Variants in LACC1 observed in about 807,000 individuals in gnomAD.
LACC1 encodes purine nucleoside phosphorylase LACC1.
LACC1 carries 25 observed loss-of-function variants against 34.8 expected under a neutral mutation model. The ratio of observed to expected loss-of-function variants is 0.72; its 90% CI spans 0.52 to 1.00. LACC1 has a LOEUF of 1.00. LACC1 is among the 50% of genes least tolerant of loss of function. The pLI, the probability that LACC1 is intolerant of heterozygous loss-of-function variation, is 0.00. For missense variants in LACC1, 426 were observed against 511.2 expected (o/e 0.83, Z 1.61); for synonymous variants, 162 against 168.0 (o/e 0.96, Z 0.28).
At chr13:43,888,661 A>G (rs1955439513) in intron 4 of LACC1, 96 bp from the exon 5 acceptor site, 1 of 935,216 alleles carries the variant, frequency 1.1e-6, no homozygotes, top group Admixed American at 2.1e-5. Context: ...TGAAAAATAT[A>G]CAAACTAAAT....
At position 43,879,989 on chromosome 13, in the gene LACC1, GC is replaced by G. The variant is rs1270021208; in HGVS notation, c.-164del. On this transcript the variant is annotated 5_prime_UTR_variant, in exon 1 of 7. Coordinates refer to ENST00000325686, the MANE Select transcript of LACC1 (RefSeq NM_153218.4). ...ACCGGTGTGCAACCGAAGGTGAAGAGCGGGAAGGCGAGGACCGAATCGCCTC... is the reference window on the plus strand; with the variant it reads ...ACCGGTGTGCAACCGAAGGTGAAGAGGGGAAGGCGAGGACCGAATCGCCTC... 1 of 152,496 alleles carries G rather than the reference GC, an allele frequency of 6.6e-6. No individual in the cohort carries two copies. Among genetic ancestry groups the G allele is most frequent in the African/African-American group, 2.4e-5 (1 of 41,462 alleles). 9.4% of individuals were successfully genotyped at this position (152,496 alleles called of 1,614,324 possible). A position where few individuals can be genotyped will look rare whatever the true frequency, so the allele number is the denominator to read the frequency against.
chr13:43,879,717 C>T (rs1444242204), upstream of LACC1: 2 of 133,744 alleles, frequency 1.5e-5, no homozygotes, highest in African/African-American at 5.4e-5. Flanking sequence ...GGCGGGGAAT[C>T]TGTGCGGCCG....
intron 4 of LACC1, among the ~76,000 whole-genome samples, chr13:43,888,448 T>C (rs1216586371): frequency 6.6e-6 from 1 of 152,188 alleles, no homozygotes; most frequent in Non-Finnish European, 1.5e-5. Flanking sequence ...TAGTAAATTT[T>C]GTGGGTTTTT....
intron 2 of LACC1, 73 bp downstream of exon 2, chr13:43,881,620 C>CT (rs1032755358): frequency 2.7e-6 from 3 of 1,128,918 alleles, no homozygotes; most frequent in African/African-American, 3.1e-5. Flanking sequence ...TAGTTCACCT[C>CT]TTTTTTTCCT....
intron 4 of LACC1, 114 bp from the exon 5 acceptor site, chr13:43,888,643 C>T (rs1321693429): frequency 1.3e-6 from 1 of 788,620 alleles, no homozygotes; most frequent in East Asian, 2.6e-5. Context: ...TTTATTATTT[C>T]TGGACTTTGA....
At chr13:43,889,059 T>A in intron 5 of LACC1, 77 bp downstream of exon 5, 1 of 1,190,370 alleles carries the variant, frequency 8.4e-7, no homozygotes, top group Non-Finnish European at 1.2e-6. Context: ...GGAGAACAAT[T>A]AATAACTCTA....
In LACC1 at chr13:43,888,863, A is replaced by G; in HGVS notation, c.1014A>G (p.Val338=). The change falls in exon 5 of 7, where the codon GTA becomes GTG. Residue 338 remains valine, a synonymous_variant. Coordinates refer to ENST00000325686, the MANE Select transcript of LACC1 (RefSeq NM_153218.4). ...TTGTTGTTGTACTTGGACCTTCAGT[A>G]GGACCTTGCTGTTTTACTCTTCCAA... is the stretch of plus-strand genomic sequence containing the variant. ...EDIVVVLGPS[V]GPCCFTLPRE... 1.2e-6 allele frequency: 2 copies of G among 1,613,956 alleles called. No homozygotes were observed. Among genetic ancestry groups the G allele is most frequent in the Middle Eastern group, 1.7e-4 (1 of 6,060 alleles).
chr13:43,887,798 A>G (rs1955395769), intron 4 of LACC1, among the ~76,000 whole-genome samples: 1 of 152,154 alleles, frequency 6.6e-6, no homozygotes, highest in Non-Finnish European at 1.5e-5. Flanking sequence ...ACCTCAGAAA[A>G]TAAGTGTTGT....
rs150202700 is a variant in LACC1 at position 43,881,422 on chromosome 13, C to G, written c.437C>G (p.Ser146Cys). ...TTTAGGGGAGGGCTTTTTAAACAGT[C>G]CATTGAAATAAACGTAATCACAGCT... is the stretch of plus-strand genomic sequence containing the variant. ...VTFRGGLFKQ[S>C]IEINVITAQE... Residue 146 changes from serine (S) to cysteine (C), a missense_variant, in exon 2 of 7, where the codon TCC becomes TGC. Coordinates refer to ENST00000325686, the MANE Select transcript of LACC1 (RefSeq NM_153218.4). 4 of 1,613,848 alleles carry G rather than the reference C, an allele frequency of 2.5e-6. No individual in the cohort carries two copies. The highest frequency in any genetic ancestry group is 2.2e-5 in the East Asian group (1 of 44,876).
At chr13:43,890,770 T>C (rs1226238314) in intron 6 of LACC1, among the ~76,000 whole-genome samples, 1 of 152,238 alleles carries the variant, frequency 6.6e-6, no homozygotes, top group Non-Finnish European at 1.5e-5. Flanking sequence ...TCAACTAGAT[T>C]TCCAAATGAT....
Position 43,881,233 on chromosome 13 carries a change from G to A in LACC1, c.248G>A (p.Ser83Asn), listed in dbSNP as rs202011785. 1.8e-5 allele frequency: 29 copies of A among 1,614,026 alleles called. No individual in the cohort carries two copies. Among genetic ancestry groups the A allele is most frequent in the Non-Finnish European group, 5.1e-6 (6 of 1,180,024 alleles). ...GAATTTGAGATTGTTAGCTGTCCCA[G>A]CATGGCTGCCACTTTGTATACCATT... ...LEEFEIVSCP[S>N]MAATLYTIKQ... is the part of the protein sequence containing the mutation. The change falls in exon 2 of 7, where the codon AGC becomes AAC. Residue 83 changes from serine (S) to asparagine (N), a missense_variant. Ser to Asn is a conservative substitution (Grantham distance 46). This residue lies in a region of LACC1 where 217 missense variants were observed against 210.9 expected (regional missense o/e 1.03). Coordinates refer to ENST00000325686, the MANE Select transcript of LACC1 (RefSeq NM_153218.4).
chr13:43,887,223 A>G (rs1321520469), intron 4 of LACC1, among the ~76,000 whole-genome samples: 1 of 152,086 alleles, frequency 6.6e-6, no homozygotes, highest in Non-Finnish European at 1.5e-5. Flanking sequence ...TCCCATAACC[A>G]CATATTCAGT....
chr13:43,882,983 G>A (rs1269685746), intron 3 of LACC1, among the ~76,000 whole-genome samples: 1 of 152,106 alleles, frequency 6.6e-6, no homozygotes, highest in Non-Finnish European at 1.5e-5. Flanking sequence ...ACGTACTCAT[G>A]CTGGGACCAT....
intron 4 of LACC1, among the ~76,000 whole-genome samples, chr13:43,884,333 CCAAT>C (rs1355648255): frequency 3.3e-5 from 5 of 152,130 alleles, no homozygotes; most frequent in Non-Finnish European, 7.4e-5. Flanking sequence ...AACCAACCAA[CCAAT>C]CAAACAACAA....
intron 4 of LACC1, among the ~76,000 whole-genome samples, chr13:43,887,865 G>A (rs990308516): frequency 3.3e-5 from 5 of 152,088 alleles, no homozygotes; most frequent in Non-Finnish European, 7.4e-5. Flanking sequence ...GTGAAATTGT[G>A]TAGCCACTAT....
At chr13:43,882,507 T>G in intron 3 of LACC1, 144 bp downstream of exon 3, 1 of 545,940 alleles carries the variant, frequency 1.8e-6, no homozygotes, top group Non-Finnish European at 3.1e-6. Flanking sequence ...TTTCTTAGAT[T>G]TATACACCAT....
chr13:43,890,736 C>A (rs1379756008), intron 6 of LACC1, among the ~76,000 whole-genome samples: 1 of 152,118 alleles, frequency 6.6e-6, no homozygotes, highest in African/African-American at 2.4e-5. Flanking sequence ...ATAAGAAATT[C>A]TCACAAAGAA....
chr13:43,882,908 G>T (rs1018364067), intron 3 of LACC1, among the ~76,000 whole-genome samples: 3 of 151,970 alleles, frequency 2.0e-5, no homozygotes, highest in African/African-American at 4.8e-5. Flanking sequence ...AGATCAGGAT[G>T]CAAGGCCACA....
intron 5 of LACC1, among the ~76,000 whole-genome samples, 174 bp downstream of exon 5, chr13:43,889,156 G>A (rs1184760791): frequency 6.6e-6 from 1 of 152,150 alleles, no homozygotes; most frequent in African/African-American, 2.4e-5. Context: ...GTTTTCATTT[G>A]AGTTTGAATA....
Sources: allele counts gnomAD v4.1 joint callset (sites outside exome capture counted in the v4.1 genomes callset), GRCh38; gene constraint gnomAD v4.1.1; regional missense constraint gnomAD v4.1.1; transcripts MANE v1.5; gene names NCBI Gene and HGNC (gene_info 2026-07-23, HGNC 2026-07-21).